NOX3: variants seen among roughly 807,000 people sequenced by gnomAD.
The protein encoded by NOX3 is NADPH oxidase 3.
In NOX3, 74 loss-of-function variants were observed where a neutral mutation model predicts 76.7. The ratio of observed to expected loss-of-function variants is 0.96; its 90% CI spans 0.80 to 1.17. NOX3 has a LOEUF of 1.17. NOX3 is among the 50% of genes most tolerant of loss of function. The pLI, the probability that NOX3 is intolerant of heterozygous loss-of-function variation, is 0.00. For synonymous variants in NOX3, 263 were observed against 261.1 expected (o/e 1.01, Z -0.07); for missense variants, 695 against 703.3 (o/e 0.99, Z 0.13).
At position 155,396,910 on chromosome 6, in the gene NOX3, G is replaced by A. The variant is rs1779146631; in HGVS notation, c.1633C>T (p.Gln545Ter). ...CGPKALSRTL[Q>*]KMCHLYSSAD... ...GATGAATACAAGTGGCACATCTTTT[G>A]AAGTGTCCTCGAGAGAGCTTTAGGT... Residue 545 changes from glutamine to a stop codon, truncating the protein, a stop_gained, in exon 13 of 14, where the codon CAA becomes TAA. Transcript: ENST00000159060. LOFTEE classifies it high-confidence loss of function. 1 of 1,613,466 alleles carries A rather than the reference G, an allele frequency of 6.2e-7. No homozygotes were observed. Among genetic ancestry groups the A allele is most frequent in the Non-Finnish European group, 8.5e-7 (1 of 1,179,534 alleles).
chr6:155,444,115 C>T (rs934647266), intron 4 of NOX3, among the ~76,000 whole-genome samples: 1 of 152,128 alleles, frequency 6.6e-6, no homozygotes. Flanking sequence ...CTCTTTCAGC[C>T]ACTCTATTTT....
intron 4 of NOX3, among the ~76,000 whole-genome samples, chr6:155,451,848 G>A (rs538441395): frequency 6.6e-6 from 1 of 151,902 alleles, no homozygotes; most frequent in Admixed American, 6.6e-5. Flanking sequence ...GGCTGGTCTC[G>A]AACTTCTGAG....
chr6:155,396,988 T>C (rs1464388160), intron 12 of NOX3, 26 bp from the exon 13 acceptor site: 1 of 1,588,294 alleles, frequency 6.3e-7, no homozygotes, highest in Non-Finnish European at 8.6e-7. Flanking sequence ...GAAAAGGAAA[T>C]AAAATGTCAC....
At chr6:155,440,535 G>A (rs12665718) in intron 5 of NOX3, among the ~76,000 whole-genome samples, 14,885 of 151,888 alleles carry the variant, frequency 0.098, 1,346 homozygotes, top group East Asian at 0.5. Context: ...CAGCTACTCA[G>A]TAGGCTGAGG....
intron 8 of NOX3, 80 bp downstream of exon 8, chr6:155,430,762 AT>A: frequency 1.2e-6 from 1 of 812,666 alleles, no homozygotes. Context: ...TGCAATAAAA[AT>A]GGCAAATTAA....
intron 9 of NOX3, 56 bp from the exon 10 acceptor site, chr6:155,422,912 C>G: frequency 6.3e-7 from 1 of 1,578,740 alleles, no homozygotes; most frequent in Non-Finnish European, 8.7e-7. Context: ...TGCTCGTGAA[C>G]CCAGAACCAT....
At chr6:155,450,583 C>A (rs1582949580) in intron 4 of NOX3, among the ~76,000 whole-genome samples, 1 of 152,122 alleles carries the variant, frequency 6.6e-6, no homozygotes, top group Non-Finnish European at 1.5e-5. Context: ...ATGAATTTCA[C>A]TCTGTGGTAG....
intron 4 of NOX3, among the ~76,000 whole-genome samples, chr6:155,452,025 A>G (rs1207182258): frequency 6.6e-6 from 1 of 152,044 alleles, no homozygotes; most frequent in Non-Finnish European, 1.5e-5. Context: ...TCTTAAAGCT[A>G]TTGTATTGTG....
Position 155,454,837 on chromosome 6 carries a change from TA to T in NOX3, c.228del (p.Ile77PhefsTer4), listed in dbSNP as rs1316298745. 21 of 1,596,528 alleles carry T rather than the reference TA, an allele frequency of 1.3e-5. 1 individual carries two copies. Among genetic ancestry groups the T allele is most frequent in the Non-Finnish European group, 1.8e-5 (21 of 1,173,970 alleles). ...MLILIPVSRNLISFIRGTSIC... is the reference protein window; with the variant it reads ...MLILIPVSRNXISFIRGTSIC... ...ATACTTGTTCCTCTTATGAATGAAA[TA>T]AGGTTTCGACTGACAGGTATTAGAA... On this transcript the variant is annotated frameshift_variant, in exon 3 of 14. Transcript: ENST00000159060. LOFTEE classifies it high-confidence loss of function.
chr6:155,430,843 C>T lies in NOX3; in HGVS notation c.891G>A (p.Lys297=). 1 of 1,605,120 alleles carries T rather than the reference C, an allele frequency of 6.2e-7. No homozygotes were observed. The highest frequency in any genetic ancestry group is 8.5e-7 in the Non-Finnish European group (1 of 1,172,258). The change falls in exon 8 of 14, where the codon AAG becomes AAA. Residue 297 remains lysine (K), a splice_region_variant and synonymous_variant. Transcript: ENST00000159060. ...TTCAGACATAAAGCTACATGCATAC[C>T]TTGGTAATGACAACTTCTTGTTGAA... ...WRFQQEVVIT[K]VVSHPSGVLE...
At chr6:155,440,173 CA>C (rs373137972) in intron 5 of NOX3, 36 bp from the exon 6 acceptor site, 154 of 1,400,042 alleles carry the variant, frequency 1.1e-4, no homozygotes, top group Middle Eastern at 5.9e-4. Context: ...AAGAAACAAA[CA>C]AAAAAAAACA....
At chr6:155,439,933 A>G (rs1776958822) in intron 6 of NOX3, 23 bp downstream of exon 6, 3 of 1,590,014 alleles carry the variant, frequency 1.9e-6, no homozygotes, top group Non-Finnish European at 2.6e-6. Flanking sequence ...AAATCCTTGC[A>G]GAGGAGCGCA....
intron 11 of NOX3, among the ~76,000 whole-genome samples, chr6:155,408,585 C>T (rs961114111): frequency 6.6e-6 from 1 of 152,048 alleles, no homozygotes; most frequent in Non-Finnish European, 1.5e-5. Context: ...GTGGAAGTGT[C>T]CCAACAGGTC....
At position 155,407,147 on chromosome 6, in the gene NOX3, A is replaced by G. The variant is rs372784179; in HGVS notation, c.1563T>C (p.Ile521=). 9 of 1,613,970 alleles carry G rather than the reference A, an allele frequency of 5.6e-6. No individual in the cohort carries two copies. The highest frequency in any genetic ancestry group is 7.6e-6 in the Non-Finnish European group (9 of 1,179,994). The change falls in exon 12 of 14, where the codon ATT becomes ATC. Residue 521 remains isoleucine (I), a synonymous_variant. Transcript: ENST00000159060. ...TGCCTTACCTGGGGTGATTGTAGGC[A>G]ATCTGCTTGAACTCATTGTTCCAGT... is the stretch of plus-strand genomic sequence containing the variant. ...RPNWNNEFKQ[I]AYNHPSSSIG... is the part of the protein sequence containing the mutation.
At chr6:155,454,336 G>C (rs1231070772) in intron 3 of NOX3, among the ~76,000 whole-genome samples, 3 of 152,188 alleles carry the variant, frequency 2.0e-5, no homozygotes, top group African/African-American at 7.2e-5. Context: ...GGAAGCACAG[G>C]TAAGTTCCCA....
intron 5 of NOX3, among the ~76,000 whole-genome samples, chr6:155,442,331 C>T (rs1336518079): frequency 6.6e-6 from 1 of 151,892 alleles, no homozygotes; most frequent in Non-Finnish European, 1.5e-5. Flanking sequence ...GATCAATGGC[C>T]TGATATTGAA....
chr6:155,427,640 C>T (rs1345469828), intron 9 of NOX3, among the ~76,000 whole-genome samples: 2 of 152,216 alleles, frequency 1.3e-5, no homozygotes, highest in Non-Finnish European at 2.9e-5. Context: ...TCCTGATACC[C>T]TCCAAGGATG....
chr6:155,413,667 C>T (rs1276158613), intron 10 of NOX3, among the ~76,000 whole-genome samples: 1 of 152,126 alleles, frequency 6.6e-6, no homozygotes, highest in Non-Finnish European at 1.5e-5. Context: ...TTGCTTTGCT[C>T]TGGGTGGAAA....
At chr6:155,440,449 T>C (rs546182576) in intron 5 of NOX3, among the ~76,000 whole-genome samples, 3 of 151,542 alleles carry the variant, frequency 2.0e-5, no homozygotes, top group Admixed American at 6.6e-5. Flanking sequence ...ACATCAAAGT[T>C]ATTATACTGG....
Sources: gnomAD v4.1 joint callset for allele counts (sites outside exome capture counted in the v4.1 genomes callset) on GRCh38, gnomAD v4.1.1 for gene constraint, MANE v1.5 for transcripts, NCBI Gene and HGNC (gene_info 2026-07-23, HGNC 2026-07-21) for gene names.